The following STATH variants were observed in gnomAD, a reference collection of about 807,000 sequenced individuals.
STATH encodes the protein statherin.
STATH carries 11 observed loss-of-function variants against 13.3 expected under a neutral mutation model. The ratio of observed to expected loss-of-function variants is 0.83; its 90% CI spans 0.52 to 1.37. The LOEUF (loss-of-function observed/expected upper bound fraction) is 1.37, where lower values mean the gene tolerates loss of function less well. Ranked by LOEUF, STATH falls within the 40% of genes most tolerant of loss-of-function variation. STATH has a pLI of 0.00. For synonymous variants in STATH, 25 were observed against 23.6 expected, an observed-to-expected ratio of 1.06 and a Z score of -0.17; for missense variants, 78 against 73.3, an observed-to-expected ratio of 1.06 and a Z score of -0.24.
At position 70,001,939 on chromosome 4, in the gene STATH, T is replaced by C. The variant is rs116371550; in HGVS notation, c.*34-250T>C. On this transcript the variant is annotated intron_variant, in intron 5 of 5. Transcript: ENST00000246895. The stretch of plus-strand genomic sequence containing the variant: ...ATGAAATGTGTAGGCTATATTTAAG[T>C]AGAAGAATAAAATAGTATGATGATT... Among the ~76,000 whole-genome samples the C allele has an allele frequency of 2.1e-3, 326 of 151,922 alleles. 3 individuals are homozygous for C. Among genetic ancestry groups the C allele is most frequent in the African/African-American group, 7.5e-3 (311 of 41,532 alleles).
At chr4:69,999,320 TAA>T (rs1724585392) in intron 2 of STATH, among the ~76,000 whole-genome samples, 1 of 151,884 alleles carries the variant, frequency 6.6e-6, no homozygotes, top group South Asian at 2.1e-4. Context: ...TGTCAGTAAA[TAA>T]AAGTTATGTG....
intron 1 of STATH, among the ~76,000 whole-genome samples, chr4:69,996,275 C>T (rs1724501294): frequency 6.6e-6 from 1 of 152,114 alleles, no homozygotes; most frequent in Non-Finnish European, 1.5e-5. Flanking sequence ...CAACTTCTCT[C>T]CTGATGGAAC....
chr4:69,999,918 A>G (rs2109682614), intron 4 of STATH, 109 bp downstream of exon 4: 2 of 1,260,070 alleles, frequency 1.6e-6, no homozygotes, highest in Middle Eastern at 5.4e-4. Context: ...AGTAGTTGCA[A>G]AAGTGTGCTT....
intron 2 of STATH, among the ~76,000 whole-genome samples, chr4:69,999,416 C>T (rs1578160909): frequency 6.6e-6 from 1 of 152,018 alleles, no homozygotes; most frequent in Middle Eastern, 3.4e-3. Flanking sequence ...TAACCATTTA[C>T]TCCCTTTTAC....
At position 70,000,868 on chromosome 4, in the gene STATH, G is replaced by C. The variant is rs1328882666; in HGVS notation, c.108G>C (p.Gly36=). The change falls in exon 5 of 6, where the codon GGG becomes GGC. Residue 36 remains glycine (G), a synonymous_variant. Transcript: ENST00000246895. ...TTCTCCTTGTGTGTATACAGTATGG[G>C]TATGGCCCTTATCAGCCAGTTCCAG... ...FLRRIGRFGY[G]YGPYQPVPEQ... is the part of the protein sequence containing the mutation. 6.2e-7 allele frequency: 1 copy of C among 1,611,598 alleles called. No homozygotes were observed. The highest frequency in any genetic ancestry group is 1.7e-5 in the Admixed American group (1 of 59,820).
At chr4:70,000,014 C>T (rs1262898817) in intron 4 of STATH, 1 of 582,172 alleles carries the variant, frequency 1.7e-6, no homozygotes, top group Non-Finnish European at 3.0e-6. Context: ...ATAGTGCCAA[C>T]CTGAAGAAAC....
Position 69,999,687 on chromosome 4 carries a change from G to C in STATH, c.72G>C (p.Glu24Asp). ...VSMIGADSSE[E>D]KFLRRIGRFG... ...CTAAGGGAGCTGATTCATCTGAAGA[G>C]GTGAGTCATTTTCATTCACTGGAAA... Residue 24 changes from glutamate (E) to aspartate (D), a missense_variant and splice_region_variant, in exon 3 of 6, where the codon GAG becomes GAC. Physicochemically the swap from Glu to Asp is conservative, Grantham distance 45. Coordinates refer to ENST00000246895, the MANE Select transcript of STATH (RefSeq NM_003154.3). 6.2e-7 allele frequency: 1 copy of C among 1,611,144 alleles called. No individual in the cohort carries two copies. The highest frequency in any genetic ancestry group is 1.3e-5 in the African/African-American group (1 of 74,874).
intron 1 of STATH, 36 bp from the exon 2 acceptor site, chr4:69,998,387 A>T: frequency 6.4e-7 from 1 of 1,560,404 alleles, no homozygotes; most frequent in Non-Finnish European, 8.8e-7. Flanking sequence ...GAATGCAAGA[A>T]AAAATGTGAT....
At chr4:69,999,409 C>A (rs929074071) in intron 2 of STATH, among the ~76,000 whole-genome samples, 2 of 151,828 alleles carry the variant, frequency 1.3e-5, no homozygotes, top group African/African-American at 4.8e-5. Context: ...CCAATGATAA[C>A]CATTTACTCC....
In STATH at chr4:70,000,886, A is replaced by G; in HGVS notation, c.126A>G (p.Pro42=). 6.2e-7 allele frequency: 1 copy of G among 1,612,194 alleles called. No homozygotes were observed. The highest frequency in any genetic ancestry group is 8.5e-7 in the Non-Finnish European group (1 of 1,178,612). The stretch of plus-strand genomic sequence containing the variant: ...AGTATGGGTATGGCCCTTATCAGCC[A>G]GTTCCAGAACAACCACTATACCCAC... ...RFGYGYGPYQ[P]VPEQPLYPQP... The change falls in exon 5 of 6, where the codon CCA becomes CCG. Residue 42 remains proline, a synonymous_variant. Coordinates refer to ENST00000246895, the MANE Select transcript of STATH (RefSeq NM_003154.3).
intron 4 of STATH, chr4:70,000,074 C>T (rs1724614782): frequency 2.3e-6 from 1 of 427,548 alleles, no homozygotes; most frequent in Non-Finnish European, 4.2e-6. Flanking sequence ...ATCACTTTGA[C>T]CTAAAAAATA....
In STATH at chr4:69,998,487, T is replaced by G. The variant is rs566395048; in HGVS notation, c.50T>G (p.Ile17Ser). ...ATCTTGGCTCTCATGGTTTCCATGA[T>G]TGTAAGTATATCAGGACATTTGAAG... ...AFILALMVSM[I>S]GADSSEEKFL... Residue 17 changes from isoleucine to serine, a missense_variant and splice_region_variant, in exon 2 of 6, where the codon ATT (isoleucine) becomes AGT (serine). By Grantham distance (142) the Ile-to-Ser change is moderately radical (BLOSUM62 -2). Coordinates refer to ENST00000246895, the MANE Select transcript of STATH (RefSeq NM_003154.3). 2 of 1,611,632 alleles carry G rather than the reference T, an allele frequency of 1.2e-6. No homozygotes were observed. Among genetic ancestry groups the G allele is most frequent in the South Asian group, 2.2e-5 (2 of 90,878 alleles).
At chr4:69,997,359 AT>A (rs920913568) in intron 1 of STATH, among the ~76,000 whole-genome samples, 42 of 152,024 alleles carry the variant, frequency 2.8e-4, no homozygotes, top group African/African-American at 6.7e-4. Flanking sequence ...AATAACAGTA[AT>A]TTTTTTTATA....
chr4:69,999,492 A>G (rs1278827658), intron 2 of STATH, among the ~76,000 whole-genome samples, 175 bp from the exon 3 acceptor site: 2 of 151,930 alleles, frequency 1.3e-5, no homozygotes, highest in South Asian at 2.1e-4. Context: ...ACAGAAAAGC[A>G]TACTCTTAAC....
At chr4:69,996,337 C>T (rs1724502941) in intron 1 of STATH, among the ~76,000 whole-genome samples, 1 of 152,202 alleles carries the variant, frequency 6.6e-6, no homozygotes, top group African/African-American at 2.4e-5. Flanking sequence ...TACTCTGCTA[C>T]TTACTACTTT....
chr4:69,996,044 A>G lies in STATH; in HGVS notation c.-16+19A>G, dbSNP rs1437069356. On this transcript the variant is annotated intron_variant, in intron 1 of 5. Transcript: ENST00000246895. ...GTAAAAGGTAATATGTTCATGTATAATCGAATATGTTGTCTTAATCTAGAG... is the reference window on the plus strand; with the variant it reads ...GTAAAAGGTAATATGTTCATGTATAGTCGAATATGTTGTCTTAATCTAGAG... 1 of 152,200 alleles carries G rather than the reference A, an allele frequency of 6.6e-6. No individual in the cohort carries two copies. The allele number at this position is 152,200 out of a possible 1,614,324, so 9.4% of individuals were successfully genotyped here. A position where few individuals can be genotyped will look rare whatever the true frequency, so the allele number is the denominator to read the frequency against.
chr4:69,999,626 C>A (rs756023359), intron 2 of STATH, 41 bp from the exon 3 acceptor site: 2 of 1,593,438 alleles, frequency 1.3e-6, no homozygotes, highest in East Asian at 4.5e-5. Flanking sequence ...GGAATTATAA[C>A]ATTAAGATAC....
At chr4:70,000,670 C>T in intron 4 of STATH, 193 bp from the exon 5 acceptor site, 1 of 563,898 alleles carries the variant, frequency 1.8e-6, no homozygotes, top group South Asian at 2.3e-5. Flanking sequence ...CAAAGGTAAA[C>T]ACTCAATCAT....
rs116466940 is a variant in STATH at position 69,996,830 on chromosome 4, C to T, written c.-16+805C>T. ...TACACTAAAGTTTTTATGCTTTTTGCATCATAAAATGACTGATGGGTAGGT... is the reference window on the plus strand; with the variant it reads ...TACACTAAAGTTTTTATGCTTTTTGTATCATAAAATGACTGATGGGTAGGT... On this transcript the variant is annotated intron_variant, in intron 1 of 5. Coordinates refer to ENST00000246895, the MANE Select transcript of STATH (RefSeq NM_003154.3). Among the ~76,000 whole-genome samples the T allele has an allele frequency of 2.2e-3, 328 of 150,862 alleles. 3 individuals carry two copies. Among genetic ancestry groups the T allele is most frequent in the African/African-American group, 7.6e-3 (313 of 41,080 alleles).
Sources: allele counts gnomAD v4.1 joint callset (sites outside exome capture counted in the v4.1 genomes callset), GRCh38; gene constraint gnomAD v4.1.1; transcripts MANE v1.5; gene names NCBI Gene and HGNC (gene_info 2026-07-23, HGNC 2026-07-21).